Variants in GRM8 observed in about 807,000 individuals in gnomAD.
GRM8 encodes glutamate metabotropic receptor 8, also known as metabotropic glutamate receptor 8.
A neutral mutation model predicts 87.2 loss-of-function variants in GRM8; 47 were observed. The ratio of observed to expected loss-of-function variants is 0.54; its 90% CI spans 0.43 to 0.69. The LOEUF is 0.69. GRM8 is among the 30% of genes least tolerant of loss of function. The probability of loss-of-function intolerance (pLI) is 0.00; values close to 1 mark genes in which losing one functional copy is unlikely to be tolerated. For synonymous variants in GRM8, 396 were observed against 404.5 expected, an observed-to-expected ratio of 0.98 and a Z score of 0.25; for missense variants, 1,019 against 1,139.2, an observed-to-expected ratio of 0.89 and a Z score of 1.52.
chr7:126,876,453 A>T (rs1799528751), intron 6 of GRM8, among the ~76,000 whole-genome samples: 1 of 152,218 alleles, frequency 6.6e-6, no homozygotes, highest in Non-Finnish European at 1.5e-5. Context: ...TGATTTTCAT[A>T]ATGAGGAAAC....
At chr7:127,015,337 T>C (rs560319882) in intron 3 of GRM8, among the ~76,000 whole-genome samples, 4 of 152,042 alleles carry the variant, frequency 2.6e-5, no homozygotes, top group African/African-American at 9.6e-5. Flanking sequence ...GCATCCAATA[T>C]ATGTGTCCTC....
intron 2 of GRM8, among the ~76,000 whole-genome samples, chr7:127,152,048 T>C (rs943303161): frequency 6.6e-6 from 1 of 152,128 alleles, no homozygotes; most frequent in Non-Finnish European, 1.5e-5. Context: ...GGGAAACTGC[T>C]ATCTGTCCTT....
At chr7:127,052,714 C>A (rs1281547414) in intron 3 of GRM8, among the ~76,000 whole-genome samples, 4 of 152,166 alleles carry the variant, frequency 2.6e-5, no homozygotes, top group Admixed American at 1.3e-4. Context: ...TATCGCTCAC[C>A]CCAACATTAG....
intron 3 of GRM8, among the ~76,000 whole-genome samples, chr7:126,917,030 T>C (rs1803980160): frequency 6.6e-6 from 1 of 152,206 alleles, no homozygotes; most frequent in South Asian, 2.1e-4. Context: ...GGATAGTGAA[T>C]AGATATGTTT....
chr7:127,059,977 C>G (rs561138905), intron 3 of GRM8, among the ~76,000 whole-genome samples: 4 of 152,276 alleles, frequency 2.6e-5, no homozygotes, highest in African/African-American at 9.6e-5. Flanking sequence ...TTCAGCCCAG[C>G]CAATGATAAG....
At chr7:126,738,548 C>T (rs1305494316) in intron 7 of GRM8, among the ~76,000 whole-genome samples, 1 of 148,530 alleles carries the variant, frequency 6.7e-6, no homozygotes, top group Non-Finnish European at 1.5e-5. Flanking sequence ...AGAGTTAATA[C>T]ACCTAATTTT....
At chr7:126,718,942 T>G (rs1163672892) in intron 7 of GRM8, among the ~76,000 whole-genome samples, 1 of 152,250 alleles carries the variant, frequency 6.6e-6, no homozygotes, top group Admixed American at 6.5e-5. Flanking sequence ...TGTACCATTA[T>G]CTTTCATATA....
At chr7:126,642,513 G>A (rs1247126938) in intron 7 of GRM8, among the ~76,000 whole-genome samples, 2 of 151,984 alleles carry the variant, frequency 1.3e-5, no homozygotes, top group African/African-American at 2.4e-5. Flanking sequence ...GCTGGCGGAC[G>A]CCTGTAGTCC....
At chr7:126,867,974 A>G (rs1798748774) in intron 6 of GRM8, among the ~76,000 whole-genome samples, 1 of 152,244 alleles carries the variant, frequency 6.6e-6, no homozygotes, top group South Asian at 2.1e-4. Flanking sequence ...AATGTTAATC[A>G]GAGAAAAAAT....
intron 7 of GRM8, among the ~76,000 whole-genome samples, chr7:126,756,573 A>C (rs1407408134): frequency 3.3e-5 from 5 of 152,114 alleles, no homozygotes. Flanking sequence ...AAACTCAATA[A>C]TAGTAAGATG....
intron 9 of GRM8, among the ~76,000 whole-genome samples, chr7:126,515,709 A>G (rs2150765756): frequency 6.6e-6 from 1 of 152,156 alleles, no homozygotes; most frequent in East Asian, 1.9e-4. Flanking sequence ...AAAGCCAGCA[A>G]TGACAAGTTG....
Position 127,043,896 on chromosome 7 carries a change from T to C in GRM8, c.727+62600A>G, listed in dbSNP as rs573102363. Among the ~76,000 whole-genome samples, 30 of 152,266 alleles carry C rather than the reference T, an allele frequency of 2.0e-4. No individual in the cohort carries two copies. In the East Asian group the frequency reaches 5.0e-3, roughly 25 times the overall value. On this transcript the variant is annotated intron_variant, in intron 3 of 10. Transcript: ENST00000339582. Reference sequence around the variant, plus strand: ...GAAAGAACAATGACCAAGAGGTTTCTAGAGATTAGGGGGACAGGAGTCCTA... The same window carrying C: ...GAAAGAACAATGACCAAGAGGTTTCCAGAGATTAGGGGGACAGGAGTCCTA...
intron 6 of GRM8, among the ~76,000 whole-genome samples, chr7:126,838,021 G>C (rs1383546466): frequency 6.6e-6 from 1 of 152,138 alleles, no homozygotes; most frequent in Non-Finnish European, 1.5e-5. Context: ...ATTTCAAATG[G>C]ATTATGAAAG....
At chr7:126,827,806 T>G (rs1045010981) in intron 6 of GRM8, among the ~76,000 whole-genome samples, 17 of 152,262 alleles carry the variant, frequency 1.1e-4, no homozygotes, top group Non-Finnish European at 2.2e-4. Context: ...CAAAGGGAAT[T>G]CTTCCAGTTT....
At chr7:126,468,469 C>A (rs79633968) in intron 9 of GRM8, among the ~76,000 whole-genome samples, 19 of 152,074 alleles carry the variant, frequency 1.2e-4, no homozygotes, top group Middle Eastern at 3.4e-3. Flanking sequence ...GAGCTCTGAC[C>A]ACTACCCTAC....
chr7:126,851,855 T>C (rs565407384), intron 6 of GRM8, among the ~76,000 whole-genome samples: 9 of 152,290 alleles, frequency 5.9e-5, no homozygotes, highest in Admixed American at 5.2e-4. Flanking sequence ...CTAGCTAATA[T>C]ACTATATATT....
At chr7:126,927,681 C>T (rs1805286615) in intron 3 of GRM8, among the ~76,000 whole-genome samples, 1 of 152,118 alleles carries the variant, frequency 6.6e-6, no homozygotes, top group Non-Finnish European at 1.5e-5. Context: ...CATCTCATGC[C>T]AGTTAGAATG....
At chr7:126,618,243 C>A (rs1799736730) in intron 7 of GRM8, among the ~76,000 whole-genome samples, 1 of 152,148 alleles carries the variant, frequency 6.6e-6, no homozygotes, top group African/African-American at 2.4e-5. Flanking sequence ...ACCATCTGAT[C>A]TTTGACAAAC....
intron 6 of GRM8, among the ~76,000 whole-genome samples, chr7:126,778,353 G>A (rs1819682181): frequency 6.6e-6 from 1 of 152,118 alleles, no homozygotes; most frequent in Non-Finnish European, 1.5e-5. Flanking sequence ...AAGTGCTTCA[G>A]GCAGGTGCCA....
Sources: gnomAD v4.1 joint callset for allele counts (sites outside exome capture counted in the v4.1 genomes callset) on GRCh38, gnomAD v4.1.1 for gene constraint, MANE v1.5 for transcripts, NCBI Gene and HGNC (gene_info 2026-07-23, HGNC 2026-07-21) for gene names.